ADAMTSL3: variants seen among roughly 807,000 people sequenced by gnomAD.
ADAMTSL3 encodes the protein ADAMTS-like protein 3.
A neutral mutation model predicts 201.7 loss-of-function variants in ADAMTSL3; 128 were observed. That is an observed-to-expected ratio of 0.63 (90% CI 0.55 to 0.73). The LOEUF is 0.73. ADAMTSL3 is among the 30% of genes least tolerant of loss of function. The probability of loss-of-function intolerance (pLI) is 0.00; values close to 1 mark genes in which losing one functional copy is unlikely to be tolerated. For synonymous variants in ADAMTSL3, 738 were observed against 748.4 expected, an observed-to-expected ratio of 0.99 and a Z score of 0.23; for missense variants, 1,990 against 2,119.6, an observed-to-expected ratio of 0.94 and a Z score of 1.20.
Position 83,984,491 on chromosome 15 carries a change from G to C in ADAMTSL3, c.3716+1147G>C, listed in dbSNP as rs552639643. 9.2e-5 allele frequency among the ~76,000 whole-genome samples: 14 copies of C among 152,264 alleles called. No individual in the cohort carries two copies. In the East Asian group the frequency reaches 1.9e-3, roughly 21 times the overall value. On this transcript the variant is annotated intron_variant, in intron 21 of 29. Coordinates refer to ENST00000286744, the MANE Select transcript of ADAMTSL3 (RefSeq NM_207517.3). ...AGAGTACAATGAAATTTTAGAAGTA[G>C]AATAAACCTTAAAACATAGCAGTTC...
At chr15:83,726,028 T>C (rs983479454) in intron 3 of ADAMTSL3, among the ~76,000 whole-genome samples, 6 of 152,176 alleles carry the variant, frequency 3.9e-5, no homozygotes, top group African/African-American at 1.4e-4. Context: ...CCCATGAATA[T>C]GGAATATCTT....
At chr15:83,694,579 A>C (rs1465779619) in intron 2 of ADAMTSL3, among the ~76,000 whole-genome samples, 1 of 152,126 alleles carries the variant, frequency 6.6e-6, no homozygotes, top group Non-Finnish European at 1.5e-5. Context: ...TCTTAAGTAA[A>C]ATTTTTGGGG....
chr15:84,002,940 T>TC (rs60901837), intron 23 of ADAMTSL3, among the ~76,000 whole-genome samples: 14,076 of 133,104 alleles, frequency 0.11, 647 homozygotes, highest in East Asian at 0.26. Context: ...TCTTTTCTTT[T>TC]TTTTTTTTTT....
rs1395423646 is a variant in ADAMTSL3 at position 83,982,550 on chromosome 15, C to T, written c.2922C>T (p.Ala974=). Residue 974 remains alanine, a synonymous_variant, in exon 21 of 30, where the codon GCC becomes GCT. Transcript: ENST00000286744. ...CACTAAAAATCCATGGTCTTGCTGC[C>T]CCCGACATCGGCGTGTACCGGTGCA... is the stretch of plus-strand genomic sequence containing the variant. ...SGSLKIHGLA[A]PDIGVYRCIA... is the part of the protein sequence containing the mutation. The T allele has an allele frequency of 1.9e-6, 3 of 1,614,172 alleles. No homozygotes were observed. Among genetic ancestry groups the T allele is most frequent in the Non-Finnish European group, 2.5e-6 (3 of 1,180,036 alleles).
chr15:84,004,993 G>C (rs1460507290), intron 23 of ADAMTSL3, among the ~76,000 whole-genome samples: 4 of 152,174 alleles, frequency 2.6e-5, no homozygotes, highest in Non-Finnish European at 4.4e-5. Flanking sequence ...GAACAGGAAA[G>C]GCTATAGAGC....
intron 4 of ADAMTSL3, among the ~76,000 whole-genome samples, chr15:83,802,729 C>T (rs2063544054): frequency 6.6e-6 from 1 of 152,092 alleles, no homozygotes; most frequent in Non-Finnish European, 1.5e-5. Flanking sequence ...AACCTGAGAG[C>T]ATTTTTGGGG....
chr15:83,971,621 A>G (rs1471850805), intron 20 of ADAMTSL3, among the ~76,000 whole-genome samples: 1 of 150,282 alleles, frequency 6.7e-6, no homozygotes, highest in Non-Finnish European at 1.5e-5. Context: ...ATGTAAGCCG[A>G]GGGCGGCCAT....
At chr15:83,702,078 C>G (rs901341616) in intron 2 of ADAMTSL3, among the ~76,000 whole-genome samples, 2 of 152,136 alleles carry the variant, frequency 1.3e-5, no homozygotes, top group Non-Finnish European at 2.9e-5. Flanking sequence ...GGAACTGGAG[C>G]AAAGGTGACT....
At chr15:83,690,884 T>A (rs898131670) in intron 2 of ADAMTSL3, among the ~76,000 whole-genome samples, 1 of 152,246 alleles carries the variant, frequency 6.6e-6, no homozygotes. Flanking sequence ...TCACATACAT[T>A]ATTTTAGGAA....
At chr15:83,956,437 T>C (rs1217831511) in intron 19 of ADAMTSL3, among the ~76,000 whole-genome samples, 1 of 152,194 alleles carries the variant, frequency 6.6e-6, no homozygotes, top group African/African-American at 2.4e-5. Flanking sequence ...CACAGATAAT[T>C]GTTTAAATTT....
rs144244671 is a variant in ADAMTSL3 at position 83,903,393 on chromosome 15, C to G, written c.1700+3662C>G. 6.3e-3 allele frequency among the ~76,000 whole-genome samples: 955 copies of G among 152,188 alleles called. 10 individuals carry two copies. The highest frequency in any genetic ancestry group is 0.01 in the Non-Finnish European group (692 of 68,018). On this transcript the variant is annotated intron_variant, in intron 15 of 29. Transcript: ENST00000286744. ...ATCTCTCAAATTTTCTCATCACCCC[C>G]CAACATAAGCTCTGTTCACCTTCAG...
chr15:83,670,131 G>A (rs903230015), intron 2 of ADAMTSL3, among the ~76,000 whole-genome samples: 4 of 151,562 alleles, frequency 2.6e-5, no homozygotes, highest in Admixed American at 2.6e-4. Flanking sequence ...GGTGGTGCAC[G>A]CCTGTAGTCC....
At chr15:83,830,658 G>T (rs1029112134) in intron 6 of ADAMTSL3, among the ~76,000 whole-genome samples, 1 of 152,152 alleles carries the variant, frequency 6.6e-6, no homozygotes, top group Non-Finnish European at 1.5e-5. Context: ...CCACAAATTT[G>T]GTGGCTTAAA....
chr15:83,929,705 G>A (rs867656289), intron 17 of ADAMTSL3, among the ~76,000 whole-genome samples: 1 of 141,994 alleles, frequency 7.0e-6, no homozygotes, highest in African/African-American at 2.6e-5. Flanking sequence ...CACACAGAGA[G>A]AGACAGAGAG....
intron 15 of ADAMTSL3, among the ~76,000 whole-genome samples, chr15:83,909,358 A>G (rs1483011264): frequency 6.6e-6 from 1 of 151,998 alleles, no homozygotes; most frequent in Non-Finnish European, 1.5e-5. Flanking sequence ...CATCATTTTT[A>G]TTACTTTTTC....
chr15:83,712,043 G>C (rs941182909), intron 3 of ADAMTSL3, among the ~76,000 whole-genome samples: 8 of 152,110 alleles, frequency 5.3e-5, no homozygotes, highest in African/African-American at 1.9e-4. Flanking sequence ...GCTGCTTACC[G>C]TCAGATCATC....
chr15:83,828,145 C>A (rs1345360434), intron 6 of ADAMTSL3, among the ~76,000 whole-genome samples: 1 of 152,154 alleles, frequency 6.6e-6, no homozygotes, highest in African/African-American at 2.4e-5. Context: ...GATATTGATT[C>A]TTCCTATCCA....
chr15:83,880,756 G>A (rs2065253990), intron 9 of ADAMTSL3, among the ~76,000 whole-genome samples: 3 of 152,190 alleles, frequency 2.0e-5, no homozygotes, highest in Admixed American at 2.0e-4. Context: ...ATAATCATAG[G>A]AATAGCATAA....
At chr15:84,025,057 C>T (rs970238600) in intron 26 of ADAMTSL3, among the ~76,000 whole-genome samples, 181 bp from the exon 27 acceptor site, 2 of 152,136 alleles carry the variant, frequency 1.3e-5, no homozygotes, top group Admixed American at 6.5e-5. Context: ...CTGTTTCTCC[C>T]GAGTTAAAGA....
Sources: allele counts gnomAD v4.1 joint callset (sites outside exome capture counted in the v4.1 genomes callset), GRCh38; gene constraint gnomAD v4.1.1; transcripts MANE v1.5; gene names NCBI Gene and HGNC (gene_info 2026-07-23, HGNC 2026-07-21).